The following REEP1 variants were observed in gnomAD, a reference collection of about 807,000 sequenced individuals.
REEP1 encodes the protein receptor expression-enhancing protein 1.
Under a neutral mutation model 40.3 loss-of-function variants are expected in REEP1, and 22 were observed. The ratio of observed to expected loss-of-function variants is 0.55; its 90% CI spans 0.39 to 0.78. REEP1 has a LOEUF of 0.78. Among genes scored for constraint, REEP1 ranks in the 30% least tolerant of loss-of-function variants. REEP1 has a pLI of 0.00. For missense variants in REEP1, 280 were observed against 361.1 expected (o/e 0.78, Z 1.82); for synonymous variants, 116 against 139.2 (o/e 0.83, Z 1.17).
At chr2:86,310,942 A>C (rs565532849) in intron 1 of REEP1, among the ~76,000 whole-genome samples, 1 of 152,324 alleles carries the variant, frequency 6.6e-6, no homozygotes, top group South Asian at 2.1e-4. Flanking sequence ...GTCATTGTCC[A>C]ATAATTGGTG....
intron 1 of REEP1, among the ~76,000 whole-genome samples, chr2:86,299,664 T>C (rs1393567036): frequency 6.6e-6 from 1 of 152,194 alleles, no homozygotes; most frequent in Non-Finnish European, 1.5e-5. Context: ...GTTCATCTTA[T>C]ACAAGCCACA....
chr2:86,336,905 A>C (rs971049125), intron 1 of REEP1: 1 of 152,256 alleles, frequency 6.6e-6, no homozygotes. Flanking sequence ...GCGTCTTCCC[A>C]TGTCCCAGCT....
chr2:86,277,478 C>A (rs1677826994), intron 2 of REEP1, among the ~76,000 whole-genome samples: 1 of 151,812 alleles, frequency 6.6e-6, no homozygotes, highest in Non-Finnish European at 1.5e-5. Context: ...ATCACTTGAA[C>A]CCAGGAGGCA....
intron 1 of REEP1, among the ~76,000 whole-genome samples, chr2:86,297,475 C>A (rs1446993998): frequency 1.3e-5 from 2 of 152,254 alleles, no homozygotes; most frequent in Non-Finnish European, 2.9e-5. Context: ...GGACCATGGA[C>A]TATGGTGTCC....
chr2:86,289,338 G>C (rs1328962431), intron 1 of REEP1, among the ~76,000 whole-genome samples: 2 of 152,112 alleles, frequency 1.3e-5, no homozygotes, highest in African/African-American at 2.4e-5. Flanking sequence ...AATAGGCATA[G>C]GTATTATTTT....
chr2:86,274,001 T>A (rs185652013), intron 2 of REEP1, among the ~76,000 whole-genome samples: 1 of 152,342 alleles, frequency 6.6e-6, no homozygotes, highest in African/African-American at 2.4e-5. Context: ...ATGCTGGCAC[T>A]GTGAATGGGA....
chr2:86,284,542 C>T (rs1042077479), intron 1 of REEP1, among the ~76,000 whole-genome samples: 1 of 152,204 alleles, frequency 6.6e-6, no homozygotes, highest in Non-Finnish European at 1.5e-5. Context: ...CCAGACAGCA[C>T]CAGGCTGATT....
intron 5 of REEP1, among the ~76,000 whole-genome samples, chr2:86,234,496 C>G (rs975473919): frequency 1.3e-5 from 2 of 151,986 alleles, no homozygotes; most frequent in Non-Finnish European, 2.9e-5. Flanking sequence ...CTAGTCTGGG[C>G]AACAGAGTGA....
intron 3 of REEP1, among the ~76,000 whole-genome samples, chr2:86,260,055 G>A (rs1420122476): frequency 1.3e-5 from 2 of 152,186 alleles, no homozygotes; most frequent in Non-Finnish European, 2.9e-5. Flanking sequence ...GCTTGGAAGT[G>A]AAGCAAAATT....
At chr2:86,317,329 G>A (rs1680064541) in intron 1 of REEP1, among the ~76,000 whole-genome samples, 1 of 152,152 alleles carries the variant, frequency 6.6e-6, no homozygotes, top group Non-Finnish European at 1.5e-5. Flanking sequence ...TGGACCTCAT[G>A]CTGGATAAAG....
At chr2:86,308,115 A>G (rs2104476182) in intron 1 of REEP1, among the ~76,000 whole-genome samples, 1 of 152,358 alleles carries the variant, frequency 6.6e-6, no homozygotes, top group African/African-American at 2.4e-5. Context: ...CTAGAACAAA[A>G]GGAAGATAAA....
upstream of REEP1, chr2:86,337,677 A>T: frequency 9.9e-7 from 1 of 1,005,920 alleles, no homozygotes; most frequent in Non-Finnish European, 1.2e-6. The surrounding 1 kb of genome is among the most constrained non-coding windows in gnomAD (Gnocchi z 5.8). Flanking sequence ...CAGCCGCGGC[A>T]CGTTCTGGCG....
intron 1 of REEP1, 87 bp from the exon 2 acceptor site, chr2:86,282,329 C>T: frequency 3.0e-6 from 3 of 1,002,450 alleles, no homozygotes; most frequent in South Asian, 1.3e-5. Context: ...AAGAGCAACT[C>T]TCTAAGCTAC....
rs552097179 is a variant in REEP1 at position 86,315,397 on chromosome 2, T to C, written c.32+22082A>G. On this transcript the variant is annotated intron_variant, in intron 1 of 8. Coordinates refer to ENST00000538924, the MANE Select transcript of REEP1 (RefSeq NM_001371279.1). Reference sequence around the variant, plus strand: ...CTGCACAGCCTGCCTAGCTCCAGCTTACAATTTTATCATCTGGGGAAGAGA... The same window carrying C: ...CTGCACAGCCTGCCTAGCTCCAGCTCACAATTTTATCATCTGGGGAAGAGA... Among the ~76,000 whole-genome samples the C allele has an allele frequency of 5.9e-5, 9 of 152,330 alleles. No individual in the cohort carries two copies. In the East Asian group the frequency reaches 1.7e-3, roughly 29 times the overall value.
At chr2:86,279,934 A>G (rs537033988) in intron 2 of REEP1, 2 of 455,862 alleles carry the variant, frequency 4.4e-6, no homozygotes, top group East Asian at 6.9e-5. Context: ...TGACAATAAA[A>G]AACTAATATA....
intron 2 of REEP1, among the ~76,000 whole-genome samples, chr2:86,273,715 T>C (rs1677591623): frequency 6.6e-6 from 1 of 152,176 alleles, no homozygotes; most frequent in South Asian, 2.1e-4. Context: ...AGCCCTCAGA[T>C]CTCAGCAAAA....
At chr2:86,253,445 C>T (rs1441543833) in intron 4 of REEP1, among the ~76,000 whole-genome samples, 1 of 152,186 alleles carries the variant, frequency 6.6e-6, no homozygotes, top group Non-Finnish European at 1.5e-5. Context: ...CTGTGGAAGG[C>T]TTCCCCAGGA....
chr2:86,260,234 A>G (rs967051480), intron 3 of REEP1, among the ~76,000 whole-genome samples: 3 of 152,216 alleles, frequency 2.0e-5, no homozygotes, highest in Non-Finnish European at 4.4e-5. Flanking sequence ...GCAGGCAGAA[A>G]GGTTCCTAAG....
intron 8 of REEP1, among the ~76,000 whole-genome samples, chr2:86,218,676 C>T (rs920992208): frequency 1.3e-5 from 2 of 152,226 alleles, no homozygotes; most frequent in African/African-American, 4.8e-5. Flanking sequence ...CATCAGGAGG[C>T]TGCCCAGGCC....
Sources: allele counts gnomAD v4.1 joint callset (sites outside exome capture counted in the v4.1 genomes callset), GRCh38; gene constraint gnomAD v4.1.1; non-coding constraint Gnocchi (gnomAD v3.1); transcripts MANE v1.5; gene names NCBI Gene and HGNC (gene_info 2026-07-23, HGNC 2026-07-21).